Variants in ZC3H12B observed in about 807,000 individuals in gnomAD.
ZC3H12B encodes the protein probable ribonuclease ZC3H12B.
ZC3H12B carries 7 observed loss-of-function variants against 43.9 expected under a neutral mutation model. The ratio of observed to expected loss-of-function variants is 0.16; its 90% CI spans 0.09 to 0.30. ZC3H12B has a LOEUF of 0.30. Ranked by LOEUF, ZC3H12B falls within the 10% of genes least tolerant of loss-of-function variation. The pLI is 1.00. For missense variants in ZC3H12B, 475 were observed against 670.2 expected (o/e 0.71, Z 3.22); for synonymous variants, 222 against 241.7 (o/e 0.92, Z 0.76).
the ZC3H12B span, among the ~76,000 whole-genome samples, chrX:65,100,566 CAAAAAAAAAAAAAAAAA>C: frequency 2.2e-4 from 1 of 4,529 alleles, no homozygotes; most frequent in African/African-American, 8.4e-4. Flanking sequence ...AAAGATAAAG[CAAAAAAAAAAAAAAAAA>C]AAAAAAAAAA....
chrX:65,089,410 A>T, the ZC3H12B span, among the ~76,000 whole-genome samples: 13 of 111,906 alleles, frequency 1.2e-4, no homozygotes, highest in Non-Finnish European at 2.3e-4. Context: ...ATAAAACATT[A>T]AAAATGGTAC....
At chrX:65,411,373 C>A (rs1384150779) in intron 3 of ZC3H12B, among the ~76,000 whole-genome samples, 1 of 111,863 alleles carries the variant, frequency 8.9e-6, no homozygotes, top group Non-Finnish European at 1.9e-5. Flanking sequence ...TACTATTTGA[C>A]CACACGGAAG....
At chrX:65,468,484 T>G (rs1294693312) in intron 3 of ZC3H12B, among the ~76,000 whole-genome samples, 5 of 91,509 alleles carry the variant, frequency 5.5e-5, no homozygotes, top group African/African-American at 1.3e-4. Flanking sequence ...ATTCTTTCTT[T>G]CTTTTTTTTT....
At chrX:65,146,533 C>A in the ZC3H12B span, among the ~76,000 whole-genome samples, 10 of 111,431 alleles carry the variant, frequency 9.0e-5, no homozygotes, top group African/African-American at 2.9e-4. Flanking sequence ...TGTTAAAGAA[C>A]CTCCTTTTGT....
chrX:65,398,414 A>T (rs573880904), intron 2 of ZC3H12B, among the ~76,000 whole-genome samples, 179 bp from the exon 5 acceptor site: 11 of 112,067 alleles, frequency 9.8e-5, no homozygotes, highest in Middle Eastern at 4.6e-3. Flanking sequence ...TCCCCACACA[A>T]ATCTTGTTTC....
At chrX:65,393,792 T>A (rs904669764) in intron 2 of ZC3H12B, among the ~76,000 whole-genome samples, 1 of 112,132 alleles carries the variant, frequency 8.9e-6, no homozygotes, top group Non-Finnish European at 1.9e-5. Flanking sequence ...AACACAATGG[T>A]TGAACTAATT....
intron 3 of ZC3H12B, among the ~76,000 whole-genome samples, chrX:65,471,935 G>A (rs988197492): frequency 1.2e-4 from 13 of 111,568 alleles, no homozygotes; most frequent in Non-Finnish European, 1.9e-4. Flanking sequence ...TGCTCTCAGA[G>A]GTATCCTGGC....
the ZC3H12B span, among the ~76,000 whole-genome samples, chrX:65,061,666 C>T: frequency 8.9e-6 from 1 of 112,045 alleles, no homozygotes; most frequent in African/African-American, 3.2e-5. Context: ...ACTTGTAATC[C>T]TTTCAGTATA....
chrX:65,132,611 A>T, the ZC3H12B span, among the ~76,000 whole-genome samples: 1 of 110,875 alleles, frequency 9.0e-6, no homozygotes, highest in African/African-American at 3.3e-5. Context: ...ATTTAGTTAA[A>T]ATGTCTCTAC....
At chrX:65,426,111 G>A (rs1371277712) in intron 3 of ZC3H12B, among the ~76,000 whole-genome samples, 1 of 107,566 alleles carries the variant, frequency 9.3e-6, no homozygotes, top group Non-Finnish European at 1.9e-5. Flanking sequence ...TTCTTGATAG[G>A]ATATTTATTA....
At chrX:65,374,758 C>G (rs1207101995) in intron 2 of ZC3H12B, among the ~76,000 whole-genome samples, 1 of 111,189 alleles carries the variant, frequency 9.0e-6, no homozygotes, top group Non-Finnish European at 1.9e-5. Context: ...AGGAAACTTA[C>G]AATCACGGTG....
the ZC3H12B span, among the ~76,000 whole-genome samples, chrX:65,134,061 G>A: frequency 9.0e-6 from 1 of 111,042 alleles, no homozygotes; most frequent in African/African-American, 3.3e-5. Flanking sequence ...TAGGTTTTAG[G>A]TCAGGCGAGA....
the ZC3H12B span, among the ~76,000 whole-genome samples, chrX:65,039,640 TTTTTATAAAG>T: frequency 9.0e-6 from 1 of 111,297 alleles, no homozygotes; most frequent in Non-Finnish European, 1.9e-5. Context: ...GATATCTATC[TTTTTATAAAG>T]TTATTTAGGA....
At chrX:65,073,296 C>T in the ZC3H12B span, among the ~76,000 whole-genome samples, 66 of 112,451 alleles carry the variant, frequency 5.9e-4, no homozygotes, top group Middle Eastern at 4.6e-3. Context: ...GCCATGCTCT[C>T]GTAGGAAGCT....
At chrX:65,085,914 C>T in the ZC3H12B span, among the ~76,000 whole-genome samples, 2 of 111,471 alleles carry the variant, frequency 1.8e-5, no homozygotes, top group African/African-American at 6.5e-5. Flanking sequence ...ACATATTTCC[C>T]ACAAACAAGG....
the ZC3H12B span, among the ~76,000 whole-genome samples, chrX:65,058,877 G>A: frequency 8.9e-6 from 1 of 112,346 alleles, no homozygotes; most frequent in Non-Finnish European, 1.9e-5. Context: ...CTCCGAGCCA[G>A]GCGCGGGATA....
the ZC3H12B span, among the ~76,000 whole-genome samples, chrX:65,136,769 T>C: frequency 1.8e-5 from 2 of 111,711 alleles, no homozygotes; most frequent in Non-Finnish European, 1.9e-5. Context: ...GCTGCCTTAT[T>C]TTCTTTACCT....
intron 3 of ZC3H12B, among the ~76,000 whole-genome samples, chrX:65,447,440 A>G (rs888122877): frequency 1.8e-5 from 2 of 111,944 alleles, no homozygotes; most frequent in Non-Finnish European, 3.8e-5. Context: ...AAATCAACTC[A>G]AGATAAATCC....
chrX:65,431,292 A>G (rs1478036865), intron 3 of ZC3H12B, among the ~76,000 whole-genome samples: 1 of 112,478 alleles, frequency 8.9e-6, no homozygotes, highest in Non-Finnish European at 1.9e-5. Flanking sequence ...GTAAGGATGA[A>G]ATACTGCTCC....
Sources: allele counts gnomAD v4.1 joint callset (sites outside exome capture counted in the v4.1 genomes callset), GRCh38; gene constraint gnomAD v4.1.1; transcripts MANE v1.5; gene names NCBI Gene and HGNC (gene_info 2026-07-23, HGNC 2026-07-21).